The following PLXDC1 variants were observed in gnomAD, a reference collection of about 807,000 sequenced individuals.
PLXDC1 encodes plexin domain containing 1.
A neutral mutation model predicts 61.3 loss-of-function variants in PLXDC1; 39 were observed. The ratio of observed to expected loss-of-function variants is 0.64; its 90% CI spans 0.49 to 0.83. The LOEUF (loss-of-function observed/expected upper bound fraction) is 0.83. Among genes scored for constraint, PLXDC1 ranks in the 40% least tolerant of loss-of-function variants. The pLI is 0.00. For synonymous variants in PLXDC1, 212 were observed against 254.5 expected, an observed-to-expected ratio of 0.83 and a Z score of 1.59; for missense variants, 596 against 666.5, an observed-to-expected ratio of 0.89 and a Z score of 1.17.
intron 7 of PLXDC1, 145 bp downstream of exon 7, chr17:39,105,709 C>A (rs1910566579): frequency 3.2e-6 from 2 of 620,916 alleles, no homozygotes; most frequent in Non-Finnish European, 5.8e-6. Context: ...CTGGAAGTCA[C>A]TGGGCATCCT....
At chr17:39,090,965 G>C (rs1909927278) in intron 7 of PLXDC1, among the ~76,000 whole-genome samples, 1 of 152,186 alleles carries the variant, frequency 6.6e-6, no homozygotes, top group Non-Finnish European at 1.5e-5. Flanking sequence ...TGTGGAGAGA[G>C]AGGAGGCCCA....
chr17:39,068,398 C>T (rs780149844), intron 13 of PLXDC1, among the ~76,000 whole-genome samples: 6 of 152,184 alleles, frequency 3.9e-5, no homozygotes, highest in Non-Finnish European at 7.3e-5. Context: ...CAGATTCTGG[C>T]CTGTGCAGTG....
At chr17:39,129,688 A>AAAAGAAAGAAAGAAGGAAAGAAAGAAAG (rs1597656684) in intron 2 of PLXDC1, among the ~76,000 whole-genome samples, 6 of 65,066 alleles carry the variant, frequency 9.2e-5, no homozygotes, top group African/African-American at 4.8e-4. Flanking sequence ...AGGGAGAAAG[A>AAAAGAAAGAAAGAAGGAAAGAAAGAAAG]AAAGAAAGAA....
chr17:39,069,911 G>A lies in PLXDC1; in HGVS notation c.1328C>T (p.Ala443Val), dbSNP rs116472102. ...AVLLVAAIIL[A>V]GIYINGHPTS... ...GGGGTGGCCATTGATGTAAATTCCA[G>A]CCAGGATGATGGCCGCCACGAGGAG... Residue 443 changes from alanine to valine, a missense_variant, in exon 13 of 14, where the codon GCT becomes GTT. By Grantham distance (64) the Ala-to-Val change is moderately conservative. Coordinates refer to ENST00000315392, the MANE Select transcript of PLXDC1 (RefSeq NM_020405.5). 9 of 1,613,816 alleles carry A rather than the reference G, an allele frequency of 5.6e-6. No homozygotes were observed. The African/African-American group carries it at 1.2e-4, about 22-fold the overall frequency.
chr17:39,101,717 G>A (rs1294550424), intron 7 of PLXDC1, among the ~76,000 whole-genome samples: 1 of 152,132 alleles, frequency 6.6e-6, no homozygotes, highest in Non-Finnish European at 1.5e-5. Flanking sequence ...GTTATGCTGA[G>A]AGCTGAATTA....
intron 7 of PLXDC1, among the ~76,000 whole-genome samples, chr17:39,094,018 C>G (rs1390859680): frequency 6.6e-6 from 1 of 152,154 alleles, no homozygotes; most frequent in Non-Finnish European, 1.5e-5. Context: ...ACATATGCAA[C>G]CCTTTGACAC....
intron 13 of PLXDC1, among the ~76,000 whole-genome samples, chr17:39,068,700 G>A (rs1044642022): frequency 1.3e-5 from 2 of 152,092 alleles, no homozygotes; most frequent in Non-Finnish European, 2.9e-5. Context: ...CAGATTCCTG[G>A]GCCTGCCTTA....
At chr17:39,142,133 T>C (rs1797072301) in intron 1 of PLXDC1, among the ~76,000 whole-genome samples, 1 of 152,166 alleles carries the variant, frequency 6.6e-6, no homozygotes, top group Admixed American at 6.5e-5. Flanking sequence ...CATCCCAAGC[T>C]GTGACAATGA....
chr17:39,084,978 C>A (rs1909690403), intron 8 of PLXDC1, among the ~76,000 whole-genome samples: 1 of 152,234 alleles, frequency 6.6e-6, no homozygotes, highest in Non-Finnish European at 1.5e-5. Context: ...TCACCCAGAA[C>A]AACTGTGTGC....
At chr17:39,086,533 C>T (rs1909745829) in intron 8 of PLXDC1, among the ~76,000 whole-genome samples, 1 of 152,122 alleles carries the variant, frequency 6.6e-6, no homozygotes, top group Non-Finnish European at 1.5e-5. Flanking sequence ...GTGGCTCATG[C>T]CTGTAATTCC....
intron 4 of PLXDC1, 69 bp downstream of exon 4, chr17:39,108,835 C>T: frequency 2.9e-6 from 3 of 1,045,714 alleles, no homozygotes; most frequent in Non-Finnish European, 4.4e-6. Context: ...GTGAGCCACC[C>T]CTGGGAGGGC....
intron 2 of PLXDC1, among the ~76,000 whole-genome samples, chr17:39,111,353 C>T (rs1266274929): frequency 1.3e-5 from 2 of 152,216 alleles, no homozygotes; most frequent in Admixed American, 6.5e-5. Context: ...GGCATGGCCT[C>T]GGCTCACTGC....
In PLXDC1 at chr17:39,119,236, T is replaced by G. The variant is rs1240392813; in HGVS notation, c.256-9845A>C. ...CAAAAGGACCTTAAATAGAATAGCC[T>G]TGCTTATGAGGTGATCAGAGGAAAA... On this transcript the variant is annotated intron_variant, in intron 2 of 13. Coordinates refer to ENST00000315392, the MANE Select transcript of PLXDC1 (RefSeq NM_020405.5). 2.6e-5 allele frequency among the ~76,000 whole-genome samples: 4 copies of G among 152,070 alleles called. 1 individual carries two copies. The highest frequency in any genetic ancestry group is 9.7e-5 in the African/African-American group (4 of 41,386).
At chr17:39,146,000 T>TTACA (rs2045339525) in intron 1 of PLXDC1, among the ~76,000 whole-genome samples, 1 of 151,870 alleles carries the variant, frequency 6.6e-6, no homozygotes, top group Non-Finnish European at 1.5e-5. Context: ...TTAACAAGAA[T>TTACA]TACATGCCGG....
intron 7 of PLXDC1, among the ~76,000 whole-genome samples, chr17:39,092,907 T>TA (rs969906087): frequency 3.3e-5 from 5 of 152,168 alleles, no homozygotes; most frequent in African/African-American, 1.2e-4. Flanking sequence ...GACTTCCAGC[T>TA]ACCCTTTCAA....
Position 39,067,476 on chromosome 17 carries a change from T to C in PLXDC1, c.*364A>G, listed in dbSNP as rs1016404990. 11 of 170,816 alleles carry C rather than the reference T, an allele frequency of 6.4e-5. No individual in the cohort carries two copies. Among genetic ancestry groups the C allele is most frequent in the African/African-American group, 9.5e-5 (4 of 42,172 alleles). The allele number at this position is 170,816 out of a possible 1,614,324, so 10.6% of individuals were successfully genotyped here. A position where few individuals can be genotyped will look rare whatever the true frequency, so the allele number is the denominator to read the frequency against. ...ATGATTCCTGTTTTTGCGTTTTATGTCAGTGCTCTAAAGTTATCCTAGCCT... is the reference window on the plus strand; with the variant it reads ...ATGATTCCTGTTTTTGCGTTTTATGCCAGTGCTCTAAAGTTATCCTAGCCT... On this transcript the variant is annotated 3_prime_UTR_variant, in exon 14 of 14. Transcript: ENST00000315392.
chr17:39,116,209 CTG>C (rs1910960403), intron 2 of PLXDC1, among the ~76,000 whole-genome samples: 15 of 152,208 alleles, frequency 9.9e-5, no homozygotes, highest in Admixed American at 9.8e-4. Flanking sequence ...TCCACTGTCT[CTG>C]AGATCTTTAA....
At chr17:39,138,915 AC>A (rs1911840267) in intron 2 of PLXDC1, among the ~76,000 whole-genome samples, 2 of 152,166 alleles carry the variant, frequency 1.3e-5, no homozygotes, top group African/African-American at 2.4e-5. Context: ...CATCACAGAC[AC>A]CCACAAACAG....
chr17:39,133,913 C>T lies in PLXDC1; in HGVS notation c.255+5741G>A, dbSNP rs534910436. 4.6e-5 allele frequency among the ~76,000 whole-genome samples: 7 copies of T among 151,986 alleles called. No homozygotes were observed. The South Asian group carries it at 1.5e-3, about 32-fold the overall frequency. Reference sequence around the variant, plus strand: ...AAGTGCTGGGATTACAGGCGTGAGCCACTGTGACTGGCTGATACACATAAT... The same window carrying T: ...AAGTGCTGGGATTACAGGCGTGAGCTACTGTGACTGGCTGATACACATAAT... On this transcript the variant is annotated intron_variant, in intron 2 of 13. Transcript: ENST00000315392.
Sources: gnomAD v4.1 joint callset for allele counts (sites outside exome capture counted in the v4.1 genomes callset) on GRCh38, gnomAD v4.1.1 for gene constraint, MANE v1.5 for transcripts, NCBI Gene and HGNC (gene_info 2026-07-23, HGNC 2026-07-21) for gene names.